The following DMPK variants were observed in gnomAD, a reference collection of about 807,000 sequenced individuals.
DMPK encodes myotonin-protein kinase.
In DMPK, 32 loss-of-function variants were observed where a neutral mutation model predicts 70.3. The ratio of observed to expected loss-of-function variants is 0.46; its 90% CI spans 0.34 to 0.61. DMPK has a LOEUF of 0.61. Among genes scored for constraint, DMPK ranks in the 20% least tolerant of loss-of-function variants. The probability of loss-of-function intolerance (pLI) is 0.01; values close to 1 mark genes in which losing one functional copy is unlikely to be tolerated. For synonymous variants in DMPK, 469 were observed against 390.9 expected (o/e 1.20, Z -2.36); for missense variants, 899 against 886.0 (o/e 1.01, Z -0.19).
At chr19:45,775,058 G>T in intron 8 of DMPK, 24 bp from the exon 9 acceptor site, 1 of 1,602,636 alleles carries the variant, frequency 6.2e-7, no homozygotes. Flanking sequence ...ACAGATGTGA[G>T]CAGCAGTCGT....
chr19:45,771,507 G>A (rs1568573430), intron 12 of DMPK, 61 bp downstream of exon 12: 4 of 1,611,006 alleles, frequency 2.5e-6, no homozygotes, highest in East Asian at 2.2e-5. Context: ...TACACGCCCC[G>A]CGGAGCAGAC....
rs969155146 is a variant in DMPK at position 45,782,441 on chromosome 19, G to A, written c.-89C>T. 7.3e-7 allele frequency: 1 copy of A among 1,374,712 alleles called. No individual in the cohort carries two copies. Among genetic ancestry groups the A allele is most frequent in the Non-Finnish European group, 9.6e-7 (1 of 1,045,414 alleles). The allele number at this position is 1,374,712 out of a possible 1,614,324, so 85.2% of individuals were successfully genotyped here. ...CCTGGCAGCCCCTGTCCAGGCCCTGGAGCCCTGGCTGCATGTCTGCCTGTC... is the reference window on the plus strand; with the variant it reads ...CCTGGCAGCCCCTGTCCAGGCCCTGAAGCCCTGGCTGCATGTCTGCCTGTC... On this transcript the variant is annotated 5_prime_UTR_variant, in exon 1 of 15. Transcript: ENST00000291270.
chr19:45,770,047 C>A lies in DMPK; in HGVS notation c.*441G>T. ...ACGCTCCCCAGAGCAGGGCGTCATG[C>A]ACAAGAAAGCTTTGCACTTTGCGAA... On this transcript the variant is annotated 3_prime_UTR_variant, in exon 15 of 15. Transcript: ENST00000291270. 6 of 440,218 alleles carry A rather than the reference C, an allele frequency of 1.4e-5. No individual in the cohort carries two copies. Among genetic ancestry groups the A allele is most frequent in the South Asian group, 1.3e-4 (6 of 46,796 alleles). 27.3% of individuals were successfully genotyped at this position (440,218 alleles called of 1,614,324 possible). A position where few individuals can be genotyped will look rare whatever the true frequency, so the allele number is the denominator to read the frequency against.
intron 11 of DMPK, 27 bp from the exon 12 acceptor site, chr19:45,771,692 C>G: frequency 6.2e-7 from 1 of 1,613,222 alleles, no homozygotes; most frequent in Middle Eastern, 1.6e-4. Flanking sequence ...ACGGTGAGTC[C>G]GTCCGGGCCG....
At chr19:45,776,603 T>C (rs1969786518) in intron 8 of DMPK, 1 of 152,814 alleles carries the variant, frequency 6.5e-6, no homozygotes, top group Non-Finnish European at 1.5e-5. Context: ...TATACAGGCA[T>C]GCGCCACCAC....
At chr19:45,771,984 T>G in intron 10 of DMPK, 56 bp from the exon 11 acceptor site, 1 of 1,492,666 alleles carries the variant, frequency 6.7e-7, no homozygotes, top group Non-Finnish European at 8.9e-7. Flanking sequence ...ACTCAGGACT[T>G]GGGCACTGGT....
chr19:45,781,859 G>C (rs1970139425), intron 1 of DMPK, among the ~76,000 whole-genome samples: 1 of 152,178 alleles, frequency 6.6e-6, no homozygotes, highest in African/African-American at 2.4e-5. Context: ...AGGAGAGGGA[G>C]CTCCCAGCAT....
intron 14 of DMPK, 42 bp downstream of exon 14, chr19:45,770,929 C>T (rs1269665260): frequency 3.2e-5 from 43 of 1,353,416 alleles, no homozygotes; most frequent in Non-Finnish European, 3.9e-5. Context: ...GGGTGGAGCG[C>T]GGGGCGCGAC....
chr19:45,772,128 C>CT (rs755706868), intron 10 of DMPK, among the ~76,000 whole-genome samples, 200 bp from the exon 11 acceptor site: 2 of 151,820 alleles, frequency 1.3e-5, no homozygotes, highest in African/African-American at 2.4e-5. Flanking sequence ...GTCTGGTCCT[C>CT]TAAATCTACA....
intron 4 of DMPK, 21 bp from the exon 5 acceptor site, chr19:45,778,662 G>T (rs975749753): frequency 4.3e-6 from 7 of 1,610,506 alleles, no homozygotes; most frequent in African/African-American, 1.3e-5. Flanking sequence ...GTTCGTCATG[G>T]GTGGTTGGTA....
intron 1 of DMPK, among the ~76,000 whole-genome samples, chr19:45,781,073 G>A (rs1336684951): frequency 6.6e-6 from 1 of 152,184 alleles, no homozygotes; most frequent in Non-Finnish European, 1.5e-5. Flanking sequence ...GCCCTTCTTG[G>A]CCTCCACCTT....
rs774007631 is a variant in DMPK at position 45,771,734 on chromosome 19, C to G, written c.1502+37G>C. ...AGGGGATGCCAAGGGTTGCCACCGG[C>G]CCGCATCCCGGCCCCGGCCCCGGCC... On this transcript the variant is annotated intron_variant, in intron 11 of 14. Coordinates refer to ENST00000291270, the MANE Select transcript of DMPK (RefSeq NM_004409.5). The G allele has an allele frequency of 1.0e-5, 16 of 1,600,692 alleles. No homozygotes were observed. In the African/African-American group the frequency reaches 2.1e-4, roughly 21 times the overall value.
intron 5 of DMPK, 70 bp downstream of exon 5, chr19:45,778,423 C>T: frequency 6.3e-7 from 1 of 1,576,580 alleles, no homozygotes; most frequent in Non-Finnish European, 8.6e-7. Flanking sequence ...CCTGGCCTCT[C>T]TGGGCTCTGA....
rs766485074 is a variant in DMPK, at chr19:45,777,573, C to T, written c.900G>A (p.Pro300=). 8 of 1,613,218 alleles carry T rather than the reference C, an allele frequency of 5.0e-6. No homozygotes were observed. Among genetic ancestry groups the T allele is most frequent in the East Asian group, 4.5e-5 (2 of 44,896 alleles). The change falls in exon 8 of 15, where the codon CCG becomes CCA. Residue 300 remains proline, a synonymous_variant. Coordinates refer to ENST00000291270, the MANE Select transcript of DMPK (RefSeq NM_004409.5). The surrounding 1 kb of genome is among the most constrained non-coding windows in gnomAD (Gnocchi z 6.7). ...IVHYKEHLSL[P]LVDEGVPEEA... is the part of the protein sequence containing the mutation. ...CCTCAGGGACCCCTTCGTCCACCAG[C>T]GGCAGAGAGAGGTGCTCCTGCTCAG...
chr19:45,770,541 C>G lies in DMPK; in HGVS notation c.1837G>C (p.Ala613Pro), dbSNP rs1003871860. 5 of 1,550,822 alleles carry G rather than the reference C, an allele frequency of 3.2e-6. No individual in the cohort carries two copies. The highest frequency in any genetic ancestry group is 4.4e-6 in the Non-Finnish European group (5 of 1,146,920). The stretch of plus-strand genomic sequence containing the variant: ...CGCCAGACTGCGGTGAGTTGGCCGG[C>G]GTGGGCCACCAACCCAATGCAGCCC... ...ALGCIGLVAH[A>P]GQLTAVWRRP... is the part of the protein sequence containing the mutation. The change falls in exon 15 of 15, where the codon GCC (alanine) becomes CCC (proline). Residue 613 changes from alanine (A) to proline (P), a missense_variant. Coordinates refer to ENST00000291270, the MANE Select transcript of DMPK (RefSeq NM_004409.5).
intron 1 of DMPK, chr19:45,780,128 G>A: frequency 6.9e-7 from 1 of 1,445,870 alleles, no homozygotes; most frequent in Non-Finnish European, 9.1e-7. Context: ...AGGGTGTGCA[G>A]GATGGTTAGG....
At position 45,770,103 on chromosome 19, in the gene DMPK, G is replaced by C. The variant is rs775329161; in HGVS notation, c.*385C>G. On this transcript the variant is annotated 3_prime_UTR_variant, in exon 15 of 15. Coordinates refer to ENST00000291270, the MANE Select transcript of DMPK (RefSeq NM_004409.5). Reference sequence around the variant, plus strand: ...GATAGGTGGGGGTGCGTGGAGGATGGAACACGGACGGCCCGGCTTGCTGCC... The same window carrying C: ...GATAGGTGGGGGTGCGTGGAGGATGCAACACGGACGGCCCGGCTTGCTGCC... The C allele has an allele frequency of 1.7e-6, 1 of 586,884 alleles. No homozygotes were observed. Among genetic ancestry groups the C allele is most frequent in the Non-Finnish European group, 3.1e-6 (1 of 325,586 alleles). 36.4% of individuals were successfully genotyped at this position (586,884 alleles called of 1,614,324 possible).
intron 9 of DMPK, among the ~76,000 whole-genome samples, chr19:45,774,410 C>T (rs554603776): frequency 4.0e-5 from 6 of 151,682 alleles, no homozygotes; most frequent in Admixed American, 2.6e-4. Context: ...CGCAAGCGCC[C>T]GCCACCATGC....
chr19:45,775,038 C>G lies in DMPK; in HGVS notation c.1147-4G>C. ...CCCGAATGTCCGACAGTGTCTCCTG[C>G]GCAAGACACACAGATGTGAGCAGCA... On this transcript the variant is annotated splice_polypyrimidine_tract_variant and splice_region_variant and intron_variant, in intron 8 of 14. Coordinates refer to ENST00000291270, the MANE Select transcript of DMPK (RefSeq NM_004409.5). 1.2e-6 allele frequency: 2 copies of G among 1,612,712 alleles called. No individual in the cohort carries two copies. Among genetic ancestry groups the G allele is most frequent in the Non-Finnish European group, 1.7e-6 (2 of 1,179,304 alleles).
Sources: allele counts gnomAD v4.1 joint callset (sites outside exome capture counted in the v4.1 genomes callset), GRCh38; gene constraint gnomAD v4.1.1; non-coding constraint Gnocchi (gnomAD v3.1); transcripts MANE v1.5; gene names NCBI Gene and HGNC (gene_info 2026-07-23, HGNC 2026-07-21).